The following GPR137 variants were observed in gnomAD, a reference collection of about 807,000 sequenced individuals.
GPR137 encodes the protein G protein-coupled receptor 137.
GPR137 carries 20 observed loss-of-function variants against 38.9 expected under a neutral mutation model. The ratio of observed to expected loss-of-function variants is 0.51; its 90% CI spans 0.36 to 0.75. GPR137 has a LOEUF of 0.75. Among genes scored for constraint, GPR137 ranks in the 30% least tolerant of loss-of-function variants. The pLI is 0.00. For synonymous variants in GPR137, 226 were observed against 235.8 expected (o/e 0.96, Z 0.38); for missense variants, 456 against 526.4 (o/e 0.87, Z 1.31).
At position 64,286,360 on chromosome 11, in the gene GPR137, T is replaced by A. The variant is rs2034050352; in HGVS notation, c.-165T>A. 7.1e-7 allele frequency: 1 copy of A among 1,403,090 alleles called. No individual in the cohort carries two copies. The highest frequency in any genetic ancestry group is 2.7e-5 in the East Asian group (1 of 37,486). The allele number at this position is 1,403,090 out of a possible 1,614,324, so 86.9% of individuals were successfully genotyped here. ...TGCCTGTGTTCCCCAAGGGCAAGGG[T>A]CTCTCTGTTGAGGAGGAGGGGCCTG... On this transcript the variant is annotated 5_prime_UTR_variant, in exon 1 of 7. Transcript: ENST00000438980.
At position 64,289,348 on chromosome 11, in the gene GPR137, C is replaced by T. The variant is rs371910058; in HGVS notation, c.*152C>T. 1.9e-6 allele frequency: 3 copies of T among 1,594,906 alleles called. No individual in the cohort carries two copies. The highest frequency in any genetic ancestry group is 2.6e-6 in the Non-Finnish European group (3 of 1,169,886). ...TCCTTGCTGCTCCTGTCATAGTGAG[C>T]TTGTGCCGTCCCCCTAGGATGGGGG... On this transcript the variant is annotated 3_prime_UTR_variant, in exon 7 of 7. Transcript: ENST00000438980.
At position 64,289,427 on chromosome 11, in the gene GPR137, T is replaced by C. The variant is rs140507132; in HGVS notation, c.*231T>C. The C allele has an allele frequency of 1.7e-3, 2,661 of 1,523,898 alleles. 34 individuals carry two copies. In the East Asian group the frequency reaches 0.024, roughly 14 times the overall value. 94.4% of individuals were successfully genotyped at this position (1,523,898 alleles called of 1,614,324 possible). A position where few individuals can be genotyped will look rare whatever the true frequency, so the allele number is the denominator to read the frequency against. ...GCACCCTGGCATGACCTGCCACCTC[T>C]GCTTCCACACCGGAGCCAGCTACCT... On this transcript the variant is annotated 3_prime_UTR_variant, in exon 7 of 7. Transcript: ENST00000438980.
upstream of GPR137, chr11:64,284,940 C>CT: frequency 7.1e-7 from 1 of 1,403,974 alleles, no homozygotes; most frequent in South Asian, 1.5e-5. Flanking sequence ...CATTTGGAAC[C>CT]TGGAGACCCA....
upstream of GPR137, among the ~76,000 whole-genome samples, chr11:64,274,121 G>A (rs547128141): frequency 2.0e-5 from 3 of 152,254 alleles, no homozygotes; most frequent in Admixed American, 1.3e-4. Flanking sequence ...GGCCGGGTGC[G>A]GTGGCTTACG....
chr11:64,285,109 G>C (rs1222317771), upstream of GPR137: 2 of 1,053,814 alleles, frequency 1.9e-6, no homozygotes, highest in South Asian at 3.2e-5. Context: ...CTCAGCCGTC[G>C]GATGTGATTA....
Position 64,288,118 on chromosome 11 carries a change from T to C in GPR137, c.687T>C (p.Tyr229=). Residue 229 remains tyrosine, a synonymous_variant, in exon 4 of 7, where the codon TAT becomes TAC. Transcript: ENST00000438980. The surrounding 1 kb of genome is among the most constrained non-coding windows in gnomAD (Gnocchi z 5.5). ...AAMGGAMVLL[Y]ASRACYNLTA... ...TGGGTGGCGCCATGGTCCTGCTCTA[T>C]GCCAGCCGGGCCTGCTACAACCTGA... 6.2e-7 allele frequency: 1 copy of C among 1,612,580 alleles called. No homozygotes were observed. Among genetic ancestry groups the C allele is most frequent in the South Asian group, 1.1e-5 (1 of 91,088 alleles).
upstream of GPR137, among the ~76,000 whole-genome samples, chr11:64,270,953 TACAGATCCCAGCATGCCCTGTGACACA>T (rs2032484272): frequency 1.3e-5 from 1 of 75,072 alleles, no homozygotes; most frequent in Non-Finnish European, 2.7e-5. Flanking sequence ...GGATCTAGAC[TACAGATCCCAGCATGCCCTGTGACACA>T]CACACACACA....
At position 64,287,516 on chromosome 11, in the gene GPR137, G is replaced by A. The variant is rs139519093; in HGVS notation, c.408-205G>A. On this transcript the variant is annotated intron_variant, in intron 2 of 6. Transcript: ENST00000438980. The stretch of plus-strand genomic sequence containing the variant: ...GCTCAGACAGAGACTTCTGACTCCA[G>A]TTGGTGCACCTTCCGAAGTACCATG... 1.7e-5 allele frequency: 11 copies of A among 666,278 alleles called. No homozygotes were observed. In the East Asian group the frequency reaches 1.2e-3, roughly 74 times the overall value. The allele number at this position is 666,278 out of a possible 1,614,324, so 41.3% of individuals were successfully genotyped here. A position where few individuals can be genotyped will look rare whatever the true frequency, so the allele number is the denominator to read the frequency against.
At chr11:64,283,426 CCT>C (rs899733159), upstream of GPR137, among the ~76,000 whole-genome samples, 3 of 152,174 alleles carry the variant, frequency 2.0e-5, no homozygotes, top group African/African-American at 7.2e-5. Context: ...GGTGCTAGAG[CCT>C]ACTGAGAAAT....
At chr11:64,271,530 C>T, upstream of GPR137, 1 of 1,312,072 alleles carries the variant, frequency 7.6e-7, no homozygotes, top group South Asian at 1.9e-5. Flanking sequence ...CAGATCCGGG[C>T]GTGCCTTGGG....
intron 2 of GPR137, 23 bp from the exon 3 acceptor site, chr11:64,287,698 C>T (rs773426208): frequency 1.1e-5 from 17 of 1,601,316 alleles, no homozygotes; most frequent in Middle Eastern, 3.4e-4. Context: ...TGAGGGCCCG[C>T]GCTGACTGTG....
rs3782103 is a variant in GPR137 at position 64,287,339 on chromosome 11, G to A, written c.407+325G>A. The A allele has an allele frequency of 1.9e-5, 19 of 979,906 alleles. No homozygotes were observed. In the East Asian group the frequency reaches 1.6e-3, roughly 82 times the overall value. 60.7% of individuals were successfully genotyped at this position (979,906 alleles called of 1,614,324 possible). ...GGTGACCTGGGGCCGCAATGCCCTC[G>A]TCATTTGTACAGTGTCTTACGGTTT... On this transcript the variant is annotated intron_variant, in intron 2 of 6. Transcript: ENST00000438980.
In GPR137 at chr11:64,286,434, C is replaced by T; in HGVS notation, c.-91C>T. The T allele has an allele frequency of 6.6e-7, 1 of 1,523,336 alleles. No homozygotes were observed. The highest frequency in any genetic ancestry group is 2.0e-5 in the Admixed American group (1 of 49,752). 94.4% of individuals were successfully genotyped at this position (1,523,336 alleles called of 1,614,324 possible). A position where few individuals can be genotyped will look rare whatever the true frequency, so the allele number is the denominator to read the frequency against. On this transcript the variant is annotated 5_prime_UTR_variant, in exon 1 of 7. Transcript: ENST00000438980. ...GAGCGCCCCATCTCCCTCTCTGCAC[C>T]CTGCAATTCCCACCCCTCCGTATTT...
At chr11:64,282,723 C>A (rs986755777), upstream of GPR137, among the ~76,000 whole-genome samples, 1 of 150,776 alleles carries the variant, frequency 6.6e-6, no homozygotes, top group Non-Finnish European at 1.5e-5. Flanking sequence ...AATAAAAATA[C>A]AAGAAATTAG....
upstream of GPR137, chr11:64,284,926 TCCC>T: frequency 7.1e-7 from 1 of 1,409,440 alleles, no homozygotes; most frequent in Non-Finnish European, 9.2e-7. Context: ...TTCTCTGGGG[TCCC>T]CATTTGGAAC....
intron 2 of GPR137, chr11:64,276,979 G>A (rs1370360044): frequency 1.2e-5 from 9 of 734,244 alleles, no homozygotes; most frequent in Admixed American, 7.7e-5. Flanking sequence ...ATGCTTCCGC[G>A]AGCATCCCTG....
chr11:64,286,977 G>T lies in GPR137; in HGVS notation c.370G>T (p.Ala124Ser), dbSNP rs2034156869. 6.2e-7 allele frequency: 1 copy of T among 1,613,824 alleles called. No individual in the cohort carries two copies. The highest frequency in any genetic ancestry group is 1.1e-5 in the South Asian group (1 of 91,090). ...NLYFAQVVFK[A>S]KVKRRPEMSR... ...TCTCTGCTCCTAGGTGGTGTTCAAGGCCAAGGTGAAGCGTCGGCCGGAGAT... is the reference window on the plus strand; with the variant it reads ...TCTCTGCTCCTAGGTGGTGTTCAAGTCCAAGGTGAAGCGTCGGCCGGAGAT... The change falls in exon 2 of 7, where the codon GCC becomes TCC. Residue 124 changes from alanine to serine, a missense_variant. Transcript: ENST00000438980.
upstream of GPR137, chr11:64,284,139 G>A (rs750070533): frequency 9.2e-6 from 14 of 1,526,232 alleles, no homozygotes; most frequent in East Asian, 1.1e-4. Context: ...CCAGTGGGCT[G>A]GGGGTGAGGT....
upstream of GPR137, chr11:64,285,435 G>T (rs999641583): frequency 6.1e-6 from 6 of 983,894 alleles, no homozygotes; most frequent in Non-Finnish European, 7.2e-6. Context: ...CGGGGGATTC[G>T]GGGCTCCGCG....
Sources: allele counts gnomAD v4.1 joint callset (sites outside exome capture counted in the v4.1 genomes callset), GRCh38; gene constraint gnomAD v4.1.1; non-coding constraint Gnocchi (gnomAD v3.1); transcripts MANE v1.5; gene names NCBI Gene and HGNC (gene_info 2026-07-23, HGNC 2026-07-21).